Variants in ADAM7 observed in about 807,000 individuals in gnomAD.
ADAM7 encodes the protein ADAM metallopeptidase domain 7.
ADAM7 carries 97 observed loss-of-function variants against 102.9 expected under a neutral mutation model. The observed-to-expected ratio is 0.94, with a 90% confidence interval of 0.80 to 1.12. The LOEUF is 1.12. Among genes scored for constraint, ADAM7 ranks in the 50% most tolerant of loss-of-function variants. The pLI is 0.00. For synonymous variants in ADAM7, 334 were observed against 304.4 expected (o/e 1.10, Z -1.01); for missense variants, 991 against 908.7 (o/e 1.09, Z -1.16).
intron 3 of ADAM7, among the ~76,000 whole-genome samples, chr8:24,454,277 C>T (rs572851129): frequency 4.6e-5 from 7 of 152,026 alleles, no homozygotes; most frequent in South Asian, 2.1e-4. Context: ...AGAGGCAGGC[C>T]GGTCTCCTTG....
intron 3 of ADAM7, among the ~76,000 whole-genome samples, chr8:24,453,716 G>A (rs933742921): frequency 6.6e-5 from 10 of 152,198 alleles, no homozygotes; most frequent in African/African-American, 2.4e-4. Context: ...CTTTGGAGGA[G>A]GAGAGGCGCT....
In ADAM7 at chr8:24,489,334, G is replaced by A. The variant is rs1820255225; in HGVS notation, c.1266+1G>A. ...AGAGTGTGACTGTGGCCCTGCTCAG[G>A]TATTTGCAAATGAAGCTATCTTTAA... On this transcript the variant is annotated splice_donor_variant, in intron 12 of 21. Transcript: ENST00000175238. LOFTEE classifies it high-confidence loss of function. 6.2e-7 allele frequency: 1 copy of A among 1,602,442 alleles called. No homozygotes were observed. Among genetic ancestry groups the A allele is most frequent in the Non-Finnish European group, 8.5e-7 (1 of 1,175,028 alleles).
chr8:24,469,673 G>T (rs1359350030), intron 7 of ADAM7, among the ~76,000 whole-genome samples: 1 of 152,114 alleles, frequency 6.6e-6, no homozygotes, highest in African/African-American at 2.4e-5. Flanking sequence ...TGATATTTCA[G>T]ACTGTGCTGT....
chr8:24,458,181 A>G (rs1229794190), intron 3 of ADAM7, among the ~76,000 whole-genome samples: 2 of 152,184 alleles, frequency 1.3e-5, no homozygotes, highest in African/African-American at 4.8e-5. Context: ...ATTTCTATAT[A>G]AAACTTAGAG....
Position 24,442,460 on chromosome 8 carries a change from T to C in ADAM7, c.53-13T>C, listed in dbSNP as rs200536783. The C allele has an allele frequency of 5.0e-6, 8 of 1,587,224 alleles. No individual in the cohort carries two copies. Among genetic ancestry groups the C allele is most frequent in the Admixed American group, 3.3e-5 (2 of 59,984 alleles). ...ATGTCAGACGGATTTTTTCCTCTTA[T>C]GTTTCCTCGTAGAAAAGTTCATCCT... On this transcript the variant is annotated splice_polypyrimidine_tract_variant and intron_variant, in intron 1 of 21. Transcript: ENST00000175238.
rs553991872 is a variant in ADAM7 at position 24,463,763 on chromosome 8, G to A, written c.234-119G>A. ...TTGATTTTGCTTTACTATTTCTAGC[G>A]GAAGAGGATCTTGCTGAGATTTGGA... On this transcript the variant is annotated intron_variant, in intron 3 of 21. Transcript: ENST00000175238. The A allele has an allele frequency of 2.0e-4, 145 of 740,302 alleles. 1 individual carries two copies. Among genetic ancestry groups the A allele is most frequent in the South Asian group, 3.9e-4 (20 of 51,716 alleles). 45.9% of individuals were successfully genotyped at this position (740,302 alleles called of 1,614,324 possible). A position where few individuals can be genotyped will look rare whatever the true frequency, so the allele number is the denominator to read the frequency against.
chr8:24,441,616 T>A (rs1464754592), intron 1 of ADAM7, among the ~76,000 whole-genome samples: 1 of 152,182 alleles, frequency 6.6e-6, no homozygotes, highest in Non-Finnish European at 1.5e-5. Context: ...TATTGCTCTT[T>A]AAGTATCACA....
At chr8:24,500,360 G>T in intron 18 of ADAM7, 104 bp downstream of exon 18, 1 of 998,836 alleles carries the variant, frequency 1.0e-6, no homozygotes. Flanking sequence ...GTTTTGATAT[G>T]GATTTGTATG....
At position 24,491,927 on chromosome 8, in the gene ADAM7, A is replaced by G; in HGVS notation, c.1381A>G (p.Arg461Gly). ...GATAAAAAAAGCAGGGTCCATATGC[A>G]GACCGGCGAAAGATGAATGTGATTT... ...CQIKKAGSIC[R>G]PAKDECDFPE... Residue 461 changes from arginine (R) to glycine (G), a missense_variant, in exon 14 of 22, where the codon AGA becomes GGA. Coordinates refer to ENST00000175238, the MANE Select transcript of ADAM7 (RefSeq NM_003817.4). 1 of 1,612,418 alleles carries G rather than the reference A, an allele frequency of 6.2e-7. No individual in the cohort carries two copies. Among genetic ancestry groups the G allele is most frequent in the South Asian group, 1.1e-5 (1 of 90,794 alleles).
intron 3 of ADAM7, among the ~76,000 whole-genome samples, chr8:24,461,856 C>T: frequency 6.6e-6 from 1 of 152,290 alleles, no homozygotes; most frequent in East Asian, 1.9e-4. Context: ...CATTTATCTG[C>T]CACAGTTCTA....
chr8:24,457,846 A>T (rs1360177111), intron 3 of ADAM7, among the ~76,000 whole-genome samples: 1 of 137,156 alleles, frequency 7.3e-6, no homozygotes, highest in Non-Finnish European at 1.5e-5. Context: ...AAATTTGTGT[A>T]TGTGCATATG....
chr8:24,505,341 G>C (rs1216383203), intron 20 of ADAM7, among the ~76,000 whole-genome samples: 1 of 151,936 alleles, frequency 6.6e-6, no homozygotes, highest in African/African-American at 2.4e-5. Context: ...TTAAATGAGG[G>C]GCACCTAGAA....
chr8:24,499,144 C>T, intron 16 of ADAM7, 92 bp from the exon 17 acceptor site: 1 of 904,920 alleles, frequency 1.1e-6, no homozygotes, highest in Non-Finnish European at 1.6e-6. Flanking sequence ...AAATTACATG[C>T]AAAATTGTGC....
chr8:24,483,493 T>C (rs1820031221), intron 9 of ADAM7, among the ~76,000 whole-genome samples: 2 of 152,308 alleles, frequency 1.3e-5, no homozygotes, highest in South Asian at 4.1e-4. Flanking sequence ...ATTTAGACGT[T>C]GACTTTCAGT....
chr8:24,453,445 G>T (rs1435072654), intron 3 of ADAM7, among the ~76,000 whole-genome samples: 2 of 151,830 alleles, frequency 1.3e-5, no homozygotes, highest in African/African-American at 2.4e-5. Flanking sequence ...GATCACATCG[G>T]CTCCTGAGGC....
rs554932423 is a variant in ADAM7 at position 24,484,986 on chromosome 8, A to G, written c.876-291A>G. On this transcript the variant is annotated intron_variant, in intron 9 of 21. Coordinates refer to ENST00000175238, the MANE Select transcript of ADAM7 (RefSeq NM_003817.4). ...ATGCCCAGCTAATTTTTGTATTTTC[A>G]GTAGAGATGGGGTTTCACCACAATG... Among the ~76,000 whole-genome samples, 17 of 151,710 alleles carry G rather than the reference A, an allele frequency of 1.1e-4. No homozygotes were observed. In the East Asian group the frequency reaches 3.1e-3, roughly 28 times the overall value.
intron 7 of ADAM7, among the ~76,000 whole-genome samples, chr8:24,472,255 A>C (rs144995483): frequency 6.6e-6 from 1 of 151,986 alleles, no homozygotes; most frequent in African/African-American, 2.4e-5. Flanking sequence ...TGCAAGTTTC[A>C]TTTAACCAAC....
intron 16 of ADAM7, among the ~76,000 whole-genome samples, chr8:24,493,867 T>C (rs1563394182): frequency 6.6e-6 from 1 of 152,234 alleles, no homozygotes; most frequent in Non-Finnish European, 1.5e-5. Flanking sequence ...GTGTATGGCA[T>C]AATTCAGATG....
chr8:24,462,597 C>T lies in ADAM7; in HGVS notation c.234-1285C>T, dbSNP rs546036460. Among the ~76,000 whole-genome samples, 9 of 152,254 alleles carry T rather than the reference C, an allele frequency of 5.9e-5. No individual in the cohort carries two copies. In the East Asian group the frequency reaches 9.6e-4, roughly 16 times the overall value. ...CCTTCAGAGTCTGCCTGCTTTTGCT[C>T]GGTACCTAGATCCTTGAGGTACTTT... On this transcript the variant is annotated intron_variant, in intron 3 of 21. Coordinates refer to ENST00000175238, the MANE Select transcript of ADAM7 (RefSeq NM_003817.4).
Sources: allele counts gnomAD v4.1 joint callset (sites outside exome capture counted in the v4.1 genomes callset), GRCh38; gene constraint gnomAD v4.1.1; transcripts MANE v1.5; gene names NCBI Gene and HGNC (gene_info 2026-07-23, HGNC 2026-07-21).